Variants in HDAC9 observed in about 807,000 individuals in gnomAD.
HDAC9 encodes the protein histone deacetylase 9.
Under a neutral mutation model 139.4 loss-of-function variants are expected in HDAC9, and 41 were observed. The ratio of observed to expected loss-of-function variants is 0.29; its 90% confidence interval spans 0.23 to 0.38. The LOEUF (loss-of-function observed/expected upper bound fraction) is 0.38, where lower values mean the gene tolerates loss of function less well. Among genes scored for constraint, HDAC9 ranks in the 10% least tolerant of loss-of-function variants. The pLI, the probability that HDAC9 is intolerant of heterozygous loss-of-function variation, is 1.00. For synonymous variants in HDAC9, 517 were observed against 476.2 expected, an observed-to-expected ratio of 1.09 and a Z score of -1.12; for missense variants, 1,147 against 1,297.0, an observed-to-expected ratio of 0.88 and a Z score of 1.78.
chr7:18,528,484 T>A (rs1036119240), intron 2 of HDAC9, among the ~76,000 whole-genome samples: 2 of 152,166 alleles, frequency 1.3e-5, no homozygotes, highest in African/African-American at 4.8e-5. Flanking sequence ...TCAGATCCTT[T>A]AGTTAAAAAT....
intron 25 of HDAC9, among the ~76,000 whole-genome samples, chr7:18,990,416 C>T (rs1159344418): frequency 6.6e-6 from 1 of 152,212 alleles, no homozygotes; most frequent in African/African-American, 2.4e-5. Context: ...TTCAGATCTC[C>T]AGCTGCGTGC....
intron 12 of HDAC9, among the ~76,000 whole-genome samples, chr7:18,709,198 T>C (rs1405870558): frequency 6.6e-6 from 1 of 152,110 alleles, no homozygotes; most frequent in Non-Finnish European, 1.5e-5. Context: ...CCTCACTCTC[T>C]ACCTCCCCAG....
intron 22 of HDAC9, among the ~76,000 whole-genome samples, chr7:18,903,160 CA>C (rs1243037812): frequency 6.6e-6 from 1 of 152,222 alleles, no homozygotes; most frequent in Non-Finnish European, 1.5e-5. Flanking sequence ...GATGGAATTT[CA>C]GCCTGATGGT....
intron 1 of HDAC9, among the ~76,000 whole-genome samples, chr7:18,323,038 A>G (rs888101224): frequency 2.6e-5 from 4 of 152,174 alleles, no homozygotes; most frequent in African/African-American, 9.6e-5. Flanking sequence ...GTCAACCTCA[A>G]GGATGGTTGG....
At chr7:18,692,530 C>A (rs1782743714) in intron 12 of HDAC9, among the ~76,000 whole-genome samples, 1 of 152,070 alleles carries the variant, frequency 6.6e-6, no homozygotes, top group Non-Finnish European at 1.5e-5. Flanking sequence ...TTAAAACAAA[C>A]CGTCTTTCCT....
rs548655400 is a variant in HDAC9, at chr7:18,997,009, A to G, written c.*947A>G. The G allele has an allele frequency of 2.0e-5, 3 of 152,242 alleles. No individual in the cohort carries two copies. Among genetic ancestry groups the G allele is most frequent in the South Asian group, 4.1e-4 (2 of 4,824 alleles). 9.4% of individuals were successfully genotyped at this position (152,242 alleles called of 1,614,324 possible). On this transcript the variant is annotated 3_prime_UTR_variant, in exon 26 of 26. Transcript: ENST00000686413. ...ACCTTTCCTTTTCTGCCCTCTATCAATTGATTTCTTCTTACCTTTCATCAT... is the reference window on the plus strand; with the variant it reads ...ACCTTTCCTTTTCTGCCCTCTATCAGTTGATTTCTTCTTACCTTTCATCAT...
intron 13 of HDAC9, among the ~76,000 whole-genome samples, chr7:18,742,760 T>C (rs1165729329): frequency 6.6e-6 from 1 of 152,198 alleles, no homozygotes; most frequent in Non-Finnish European, 1.5e-5. Flanking sequence ...AGCGCTGATC[T>C]GGCTTTCTGA....
intron 1 of HDAC9, among the ~76,000 whole-genome samples, chr7:18,427,422 C>A (rs1298446928): frequency 6.7e-6 from 1 of 150,274 alleles, no homozygotes; most frequent in South Asian, 2.1e-4. Context: ...TTTTTTTTTA[C>A]CTCCTTACTT....
At chr7:18,329,579 G>T (rs1800750374) in intron 1 of HDAC9, among the ~76,000 whole-genome samples, 1 of 151,330 alleles carries the variant, frequency 6.6e-6, no homozygotes. Context: ...ACAGTGAATG[G>T]AATGAACTGT....
intron 1 of HDAC9, among the ~76,000 whole-genome samples, chr7:18,476,565 G>A (rs562211812): frequency 4.6e-5 from 7 of 151,824 alleles, no homozygotes; most frequent in South Asian, 4.2e-4. Flanking sequence ...CCAACATGAC[G>A]TAAGTTTCTG....
intron 21 of HDAC9, among the ~76,000 whole-genome samples, chr7:18,860,974 C>G (rs568817101): frequency 6.6e-6 from 1 of 152,152 alleles, no homozygotes; most frequent in Non-Finnish European, 1.5e-5. Context: ...AAAGTCGGGA[C>G]TACTGATCCT....
intron 24 of HDAC9, among the ~76,000 whole-genome samples, chr7:18,963,982 C>T (rs572682381): frequency 1.3e-5 from 2 of 152,280 alleles, no homozygotes; most frequent in African/African-American, 2.4e-5. Context: ...TACCAACAAT[C>T]CTGCCCTTCA....
intron 21 of HDAC9, among the ~76,000 whole-genome samples, chr7:18,852,644 A>G (rs1585155870): frequency 1.3e-5 from 2 of 152,162 alleles, no homozygotes; most frequent in African/African-American, 2.4e-5. Flanking sequence ...AATTGGAGTG[A>G]AACAATGGAC....
At chr7:18,428,983 T>G (rs1790380757) in intron 1 of HDAC9, 1 of 152,270 alleles carries the variant, frequency 6.6e-6, no homozygotes, top group Non-Finnish European at 1.5e-5. Flanking sequence ...TGTGCTCAAT[T>G]GTCACCTTCT....
chr7:18,619,968 C>T (rs1839775825), intron 6 of HDAC9, among the ~76,000 whole-genome samples: 1 of 152,138 alleles, frequency 6.6e-6, no homozygotes, highest in African/African-American at 2.4e-5. Context: ...TTATACCTAT[C>T]ACGTGGCACT....
intron 12 of HDAC9, among the ~76,000 whole-genome samples, chr7:18,723,870 T>C (rs1324702958): frequency 1.3e-5 from 2 of 152,158 alleles, no homozygotes; most frequent in Non-Finnish European, 2.9e-5. Flanking sequence ...CAAATATCTA[T>C]TGCATTTTCT....
chr7:18,592,673 A>T (rs778888048), intron 5 of HDAC9, among the ~76,000 whole-genome samples: 4 of 152,130 alleles, frequency 2.6e-5, no homozygotes, highest in Non-Finnish European at 5.9e-5. Context: ...ATCCCAAAAC[A>T]GGTAACAGAC....
intron 4 of HDAC9, 67 bp from the exon 5 acceptor site, chr7:18,591,449 C>T: frequency 6.8e-7 from 1 of 1,479,838 alleles, no homozygotes; most frequent in South Asian, 1.3e-5. Context: ...ACAAAACTCA[C>T]CATCAACATC....
chr7:18,719,331 C>CTTTGTTTTTTT (rs1784951702), intron 12 of HDAC9, among the ~76,000 whole-genome samples: 4 of 73,896 alleles, frequency 5.4e-5, no homozygotes, highest in Admixed American at 4.8e-4. Context: ...TTTTCTCTTC[C>CTTTGTTTTTTT]TTTTTTTTTT....
Sources: gnomAD v4.1 joint callset for allele counts (sites outside exome capture counted in the v4.1 genomes callset) on GRCh38, gnomAD v4.1.1 for gene constraint, MANE v1.5 for transcripts, NCBI Gene and HGNC (gene_info 2026-07-23, HGNC 2026-07-21) for gene names.